ICAM1: variants seen among roughly 807,000 people sequenced by gnomAD.
ICAM1 encodes ICAM-1.
In ICAM1, 28 loss-of-function variants were observed where a neutral mutation model predicts 42.3. The ratio of observed to expected loss-of-function variants is 0.66; its 90% confidence interval spans 0.49 to 0.91. The LOEUF is 0.91. Ranked by LOEUF, ICAM1 falls within the 40% of genes least tolerant of loss-of-function variation. The pLI, the probability that ICAM1 is intolerant of heterozygous loss-of-function variation, is 0.00. For missense variants in ICAM1, 637 were observed against 688.6 expected (o/e 0.93, Z 0.84); for synonymous variants, 304 against 305.9 (o/e 0.99, Z 0.07).
At chr19:10,280,682 G>A (rs2040049614) in intron 2 of ICAM1, among the ~76,000 whole-genome samples, 1 of 151,854 alleles carries the variant, frequency 6.6e-6, no homozygotes, top group East Asian at 1.9e-4. Context: ...CTATTCTCTT[G>A]CCTCAGCCAC....
At chr19:10,278,140 T>A (rs1490918094) in intron 2 of ICAM1, among the ~76,000 whole-genome samples, 1 of 152,164 alleles carries the variant, frequency 6.6e-6, no homozygotes, top group Non-Finnish European at 1.5e-5. Flanking sequence ...CAGGCTGTAG[T>A]GAGCCGTGAT....
At position 10,284,618 on chromosome 19, in the gene ICAM1, C is replaced by G. The variant is rs2040088670; in HGVS notation, c.1141C>G (p.Leu381Val). Residue 381 changes from leucine to valine, a missense_variant, in exon 5 of 7, where the codon CTT (leucine) becomes GTT (valine). Transcript: ENST00000264832. This position sits in a 1 kb window ranked among gnomAD's most constrained non-coding sequence, Gnocchi z 5.4. The stretch of plus-strand genomic sequence containing the variant: ...TGCAACCCTGGAGGTGGCCGGCCAG[C>G]TTATACACAAGAACCAGACCCGGGA... ...CSATLEVAGQ[L>V]IHKNQTRELR... 2 of 1,614,044 alleles carry G rather than the reference C, an allele frequency of 1.2e-6. No individual in the cohort carries two copies. The highest frequency in any genetic ancestry group is 1.7e-6 in the Non-Finnish European group (2 of 1,180,030).
chr19:10,284,470 G>T lies in ICAM1; in HGVS notation c.993G>T (p.Lys331Asn). ...EVSEGTEVTV[K>N]CEAHPRAKVT... ...CAGAAGGGACCGAGGTGACAGTGAA[G>T]TGTGAGGCCCACCCTAGAGCCAAGG... is the stretch of plus-strand genomic sequence containing the variant. The change falls in exon 5 of 7, where the codon AAG becomes AAT. Residue 331 changes from lysine to asparagine, a missense_variant. Transcript: ENST00000264832. The surrounding 1 kb of genome is among the most constrained non-coding windows in gnomAD (Gnocchi z 5.4). 1.2e-6 allele frequency: 2 copies of T among 1,614,066 alleles called. No homozygotes were observed. The highest frequency in any genetic ancestry group is 1.1e-5 in the South Asian group (1 of 91,084).
rs562408350 is a variant in ICAM1 at position 10,271,783 on chromosome 19, TGGGGAAGTCCAGGGCTGCTTCTACTTG to T, written c.67+564_67+590del. On this transcript the variant is annotated intron_variant, in intron 1 of 6. Transcript: ENST00000264832. ...TTCTGTTCCTCATCCTCTCTGCCCC[TGGGGAAGTCCAGGGCTGCTTCTACTTG>T]GGGGAATTCCAGAGCTGACTTATCC... is the stretch of plus-strand genomic sequence containing the variant. 1.8e-3 allele frequency among the ~76,000 whole-genome samples: 271 copies of T among 152,080 alleles called. 1 individual carries two copies. Among genetic ancestry groups the T allele is most frequent in the Admixed American group, 3.9e-3 (59 of 15,260 alleles).
intron 1 of ICAM1, among the ~76,000 whole-genome samples, chr19:10,272,161 T>C (rs1256836401): frequency 6.6e-6 from 1 of 152,108 alleles, no homozygotes; most frequent in African/African-American, 2.4e-5. Context: ...GGTGGGCGCC[T>C]GTGATCCCAG....
chr19:10,280,916 C>T (rs2040051728), intron 2 of ICAM1, among the ~76,000 whole-genome samples: 1 of 132,456 alleles, frequency 7.5e-6, no homozygotes, highest in Non-Finnish European at 1.6e-5. Flanking sequence ...CTCTGTCGCC[C>T]AGGCAGGAGT....
chr19:10,273,029 A>T (rs1400211462), intron 1 of ICAM1, among the ~76,000 whole-genome samples: 1 of 152,062 alleles, frequency 6.6e-6, no homozygotes, highest in Non-Finnish European at 1.5e-5. Context: ...GACTGTCTCC[A>T]CCTGACTTCT....
At chr19:10,275,152 AG>A in intron 2 of ICAM1, 124 bp downstream of exon 2, 1 of 958,108 alleles carries the variant, frequency 1.0e-6, no homozygotes, top group South Asian at 1.5e-5. Flanking sequence ...GGCTCCTTGC[AG>A]GGCAGGTGGG....
At chr19:10,281,718 AT>A (rs2040060520) in intron 2 of ICAM1, among the ~76,000 whole-genome samples, 1 of 122,562 alleles carries the variant, frequency 8.2e-6, no homozygotes, top group Non-Finnish European at 1.6e-5. Flanking sequence ...CCCGGTCCTG[AT>A]GCTTTTTTTT....
intron 2 of ICAM1, among the ~76,000 whole-genome samples, chr19:10,275,853 G>A (rs971363875): frequency 5.3e-5 from 8 of 151,226 alleles, no homozygotes; most frequent in African/African-American, 1.5e-4. Flanking sequence ...GACTACAGGC[G>A]CCTGCCACCA....
At chr19:10,272,373 TC>T (rs2039987706) in intron 1 of ICAM1, among the ~76,000 whole-genome samples, 1 of 152,004 alleles carries the variant, frequency 6.6e-6, no homozygotes, top group Non-Finnish European at 1.5e-5. Flanking sequence ...ATGGGAATGG[TC>T]CCAGAATCTC....
chr19:10,284,932 T>C lies in ICAM1; in HGVS notation c.1330T>C (p.Ser444Pro). The change falls in exon 6 of 7, where the codon TCA becomes CCA. Residue 444 changes from serine to proline, a missense_variant. Coordinates refer to ENST00000264832, the MANE Select transcript of ICAM1 (RefSeq NM_000201.3). The surrounding 1 kb of genome is among the most constrained non-coding windows in gnomAD (Gnocchi z 5.4). Reference protein sequence around the residue: ...DGTFPLPIGESVTVTRDLEGT... With the variant: ...DGTFPLPIGEPVTVTRDLEGT... ...CACTTTCCCACTGCCCATCGGGGAA[T>C]CAGTGACTGTCACTCGAGATCTTGA... The C allele has an allele frequency of 6.2e-7, 1 of 1,608,274 alleles. No individual in the cohort carries two copies. Among genetic ancestry groups the C allele is most frequent in the Non-Finnish European group, 8.5e-7 (1 of 1,176,528 alleles).
chr19:10,285,482 C>A lies in ICAM1; in HGVS notation c.*195C>A. 6.8e-6 allele frequency: 4 copies of A among 589,106 alleles called. No individual in the cohort carries two copies. In the East Asian group the frequency reaches 1.1e-4, roughly 17 times the overall value. 36.5% of individuals were successfully genotyped at this position (589,106 alleles called of 1,614,324 possible). ...CCTGCACACCTAAAACACTAGGCCA[C>A]GCATCTGATCTGTAGTCACATGACT... On this transcript the variant is annotated 3_prime_UTR_variant, in exon 7 of 7. Transcript: ENST00000264832.
At position 10,283,629 on chromosome 19, in the gene ICAM1, G is replaced by A; in HGVS notation, c.480G>A (p.Glu160=). The A allele has an allele frequency of 5.6e-6, 9 of 1,613,972 alleles. No homozygotes were observed. Among genetic ancestry groups the A allele is most frequent in the South Asian group, 4.4e-5 (4 of 91,070 alleles). Residue 160 remains glutamate (E), a synonymous_variant, in exon 3 of 7, where the codon GAG becomes GAA. Transcript: ENST00000264832. ...GTGGGGAGAAGGAGCTGAAACGGGA[G>A]CCAGCTGTGGGGGAGCCCGCTGAGG... ...LLRGEKELKR[E]PAVGEPAEVT...
chr19:10,285,212 G>T lies in ICAM1; in HGVS notation c.1524G>T (p.Lys508Asn). 1.2e-6 allele frequency: 2 copies of T among 1,614,184 alleles called. No homozygotes were observed. ...CGTACCTCTATAACCGCCAGCGGAA[G>T]ATCAAGAAATACAGACTACAACAGG... ...LSTYLYNRQR[K>N]IKKYRLQQAQ... is the part of the protein sequence containing the mutation. The change falls in exon 7 of 7, where the codon AAG (lysine) becomes AAT (asparagine). Residue 508 changes from lysine to asparagine, a missense_variant. Transcript: ENST00000264832.
chr19:10,279,354 G>A (rs1375269782), intron 2 of ICAM1, among the ~76,000 whole-genome samples: 2 of 152,016 alleles, frequency 1.3e-5, no homozygotes, highest in Non-Finnish European at 2.9e-5. Context: ...GACCAGCCTG[G>A]GCAACATAGC....
chr19:10,278,546 G>GTTTTTTTT (rs1192848785), intron 2 of ICAM1, among the ~76,000 whole-genome samples: 9 of 82,464 alleles, frequency 1.1e-4, no homozygotes, highest in Admixed American at 3.5e-4. Context: ...TGCCTGATAG[G>GTTTTTTTT]TCTTTTTTTT....
chr19:10,283,576 C>T lies in ICAM1; in HGVS notation c.427C>T (p.Arg143Trp), dbSNP rs773974462. ...LRCQVEGGAPRANLTVVLLRG... is the reference protein window; with the variant it reads ...LRCQVEGGAPWANLTVVLLRG... ...CTGCCAGGTGGAGGGTGGGGCACCC[C>T]GGGCCAACCTCACCGTGGTGCTGCT... The change falls in exon 3 of 7, where the codon CGG (arginine) becomes TGG (tryptophan). Residue 143 changes from arginine to tryptophan, a missense_variant. Transcript: ENST00000264832. 8 of 1,613,454 alleles carry T rather than the reference C, an allele frequency of 5.0e-6. No individual in the cohort carries two copies. The highest frequency in any genetic ancestry group is 2.2e-5 in the East Asian group (1 of 44,894).
rs1198070335 is a variant in ICAM1 at position 10,274,952 on chromosome 19, A to G, written c.255A>G (p.Gln85=). The change falls in exon 2 of 7, where the codon CAA becomes CAG. Residue 85 remains glutamine (Q), a synonymous_variant. Transcript: ENST00000264832. ...NRKVYELSNV[Q]EDSQPMCYSN... ...AGGTGTATGAACTGAGCAATGTGCA[A>G]GAAGATAGCCAACCAATGTGCTATT... 1 of 1,614,256 alleles carries G rather than the reference A, an allele frequency of 6.2e-7. No homozygotes were observed.
Sources: gnomAD v4.1 joint callset for allele counts (sites outside exome capture counted in the v4.1 genomes callset) on GRCh38, gnomAD v4.1.1 for gene constraint, Gnocchi (gnomAD v3.1) non-coding constraint, MANE v1.5 for transcripts, NCBI Gene and HGNC (gene_info 2026-07-23, HGNC 2026-07-21) for gene names.